MYRFL: variants seen among roughly 807,000 people sequenced by gnomAD.
MYRFL encodes the protein myelin regulatory factor like.
Under a neutral mutation model 109.4 loss-of-function variants are expected in MYRFL, and 88 were observed. That is an observed-to-expected ratio of 0.80 (90% CI 0.68 to 0.96). MYRFL has a LOEUF of 0.96. MYRFL is among the 40% of genes least tolerant of loss of function. The pLI is 0.00. For synonymous variants in MYRFL, 324 were observed against 320.9 expected (o/e 1.01, Z -0.10); for missense variants, 957 against 954.9 (o/e 1.00, Z -0.03).
At chr12:69,896,186 A>G (rs1566007036) in intron 9 of MYRFL, among the ~76,000 whole-genome samples, 1 of 152,136 alleles carries the variant, frequency 6.6e-6, no homozygotes, top group African/African-American at 2.4e-5. Context: ...TCTGAGACTC[A>G]TTTTCCTGTC....
chr12:69,934,813 G>A (rs1422256180), intron 16 of MYRFL, among the ~76,000 whole-genome samples: 3 of 152,140 alleles, frequency 2.0e-5, no homozygotes, highest in Admixed American at 6.5e-5. Flanking sequence ...ATAGGGGCAC[G>A]GCAGGCCATA....
chr12:69,924,109 A>G (rs1954994746), intron 13 of MYRFL, among the ~76,000 whole-genome samples: 1 of 150,722 alleles, frequency 6.6e-6, no homozygotes, highest in South Asian at 2.1e-4. Context: ...GAATGGTGTG[A>G]ACCCGGGAGG....
chr12:69,908,693 A>G (rs1954458319), intron 11 of MYRFL, among the ~76,000 whole-genome samples: 1 of 152,184 alleles, frequency 6.6e-6, no homozygotes, highest in South Asian at 2.1e-4. Flanking sequence ...ATCATATATG[A>G]TTACGTATGT....
rs140977172 is a variant in MYRFL, at chr12:69,872,670, T to G, written c.138-6358T>G. ...TGTGCGCCACTGTGCCCGGCTAATT[T>G]TTGTATTTTTAGTAGAGATGGGGTT... On this transcript the variant is annotated intron_variant, in intron 2 of 24. Coordinates refer to ENST00000552032, the MANE Select transcript of MYRFL (RefSeq NM_182530.3). Among the ~76,000 whole-genome samples the G allele has an allele frequency of 2.1e-3, 318 of 151,848 alleles. 4 individuals are homozygous for G. The highest frequency in any genetic ancestry group is 7.5e-3 in the African/African-American group (311 of 41,382).
chr12:69,903,690 A>G lies in MYRFL; in HGVS notation c.1229A>G (p.Gln410Arg). 1 of 1,535,906 alleles carries G rather than the reference A, an allele frequency of 6.5e-7. No individual in the cohort carries two copies. The highest frequency in any genetic ancestry group is 8.7e-7 in the Non-Finnish European group (1 of 1,146,714). Residue 410 changes from glutamine (Q) to arginine (R), a missense_variant, in exon 11 of 25, where the codon CAG becomes CGG. By Grantham distance (43) the Gln-to-Arg change is conservative. Transcript: ENST00000552032. ...QFENDSDALW[Q>R]RGQVPESIVC... ...GAAAATGACAGTGATGCATTGTGGC[A>G]GCGAGGACAAGTTCCAGAATCTATT...
Position 69,938,836 on chromosome 12 carries a change from G to A in MYRFL, c.2224+2204G>A, listed in dbSNP as rs1021952033. Among the ~76,000 whole-genome samples, 6 of 152,212 alleles carry A rather than the reference G, an allele frequency of 3.9e-5. No homozygotes were observed. In the South Asian group the frequency reaches 1.2e-3, roughly 32 times the overall value. ...AGTGGGCGCAGGTCAGTGGGTGCGC[G>A]CACCGTGCGCGAGCCGAAGCAGGGC... On this transcript the variant is annotated intron_variant, in intron 19 of 24. Transcript: ENST00000552032.
chr12:69,895,344 GTTTT>G, intron 8 of MYRFL, 23 bp from the exon 9 acceptor site: 1 of 1,226,234 alleles, frequency 8.2e-7, no homozygotes, highest in South Asian at 1.5e-5. Flanking sequence ...TAGTCTCTTG[GTTTT>G]TTTTTTTTGC....
chr12:69,945,981 C>A (rs1253284830), intron 19 of MYRFL, among the ~76,000 whole-genome samples: 2 of 53,716 alleles, frequency 3.7e-5, no homozygotes, highest in African/African-American at 1.4e-4. Context: ...AGCGAGACTC[C>A]GTCTCAAAAA....
At chr12:69,954,198 ACTT>A (rs3847775) in intron 21 of MYRFL, among the ~76,000 whole-genome samples, 105,648 of 151,634 alleles carry the variant, frequency 0.7, 37,041 homozygotes, top group Admixed American at 0.8. Context: ...AAGTCCTAGA[ACTT>A]CTTTGACAAG....
intron 2 of MYRFL, among the ~76,000 whole-genome samples, chr12:69,875,794 T>C (rs985840072): frequency 2.6e-5 from 4 of 152,210 alleles, no homozygotes; most frequent in African/African-American, 9.6e-5. Context: ...CCGCCCCCAC[T>C]ACGTCCATCT....
At chr12:69,891,698 T>TTTCG in intron 7 of MYRFL, among the ~76,000 whole-genome samples, 1 of 134,872 alleles carries the variant, frequency 7.4e-6, no homozygotes, top group African/African-American at 2.8e-5. Flanking sequence ...TCGTTCGTTC[T>TTTCG]TTCTTTCTTT....
intron 7 of MYRFL, among the ~76,000 whole-genome samples, chr12:69,891,623 CCTCCTTCCTTTCTT>C (rs772914710): frequency 0.012 from 379 of 30,764 alleles, 9 homozygotes; most frequent in African/African-American, 0.027. Flanking sequence ...TTCTTTCTTT[CCTCCTTCCTTTCTT>C]TTTCTTTCTT....
Position 69,903,719 on chromosome 12 carries a change from TGTCACG to T in MYRFL, c.1262_1267del (p.His421_Gly422del). On this transcript the variant is annotated inframe_deletion, in exon 11 of 25. Transcript: ENST00000552032. ...AGGACAAGTTCCAGAATCTATTGTC[TGTCACG>T]GTCGAGTAGGAATCAACACAGATGC... The T allele has an allele frequency of 6.5e-7, 1 of 1,535,898 alleles. No homozygotes were observed. The highest frequency in any genetic ancestry group is 1.2e-5 in the South Asian group (1 of 84,050).
At chr12:69,844,618 C>A (rs1264006013) in intron 1 of MYRFL, among the ~76,000 whole-genome samples, 1 of 152,124 alleles carries the variant, frequency 6.6e-6, no homozygotes, top group South Asian at 2.1e-4. Context: ...CGATCAGTAG[C>A]CTGGGTTGGC....
rs7970688 is a variant in MYRFL, at chr12:69,922,925, T to A, written c.1603-3646T>A. ...TTCTTCATTTATTCTCTGGAATTTA[T>A]TATCTGGAATACTTTTTAAATGAAC... On this transcript the variant is annotated intron_variant, in intron 13 of 24. Transcript: ENST00000552032. Among the ~76,000 whole-genome samples the A allele has an allele frequency of 5.6e-3, 849 of 152,322 alleles. 13 individuals carry two copies. Among genetic ancestry groups the A allele is most frequent in the African/African-American group, 0.019 (802 of 41,574 alleles).
intron 13 of MYRFL, among the ~76,000 whole-genome samples, chr12:69,923,243 A>G (rs2120433871): frequency 6.6e-6 from 1 of 152,274 alleles, no homozygotes; most frequent in Middle Eastern, 3.4e-3. Context: ...ATTTTCTCAT[A>G]TTGAAAGATG....
chr12:69,837,015 C>T (rs999694775), intron 1 of MYRFL, among the ~76,000 whole-genome samples: 4 of 152,058 alleles, frequency 2.6e-5, no homozygotes, highest in Non-Finnish European at 4.4e-5. Context: ...CTTGCATTTC[C>T]ATCAACTTGT....
chr12:69,939,174 C>A (rs1401553283), intron 19 of MYRFL, among the ~76,000 whole-genome samples: 1 of 152,250 alleles, frequency 6.6e-6, no homozygotes, highest in Non-Finnish European at 1.5e-5. Flanking sequence ...GAAGCTCGAA[C>A]TGGGTGGAGC....
chr12:69,853,514 A>G, intron 1 of MYRFL, among the ~76,000 whole-genome samples: 1 of 147,236 alleles, frequency 6.8e-6, no homozygotes, highest in African/African-American at 2.5e-5. Flanking sequence ...CACATCCCAG[A>G]CGGGGCGGCG....
Sources: gnomAD v4.1 joint callset for allele counts (sites outside exome capture counted in the v4.1 genomes callset) on GRCh38, gnomAD v4.1.1 for gene constraint, MANE v1.5 for transcripts, NCBI Gene and HGNC (gene_info 2026-07-23, HGNC 2026-07-21) for gene names.